The following TRIO variants were observed in gnomAD, a reference collection of about 807,000 sequenced individuals.
TRIO encodes the protein triple functional domain protein.
A neutral mutation model predicts 351.9 loss-of-function variants in TRIO; 58 were observed. The ratio of observed to expected loss-of-function variants is 0.16; its 90% CI spans 0.13 to 0.21. The LOEUF (loss-of-function observed/expected upper bound fraction) is 0.21. Among genes scored for constraint, TRIO ranks in the 10% least tolerant of loss-of-function variants. TRIO has a pLI of 1.00. For synonymous variants in TRIO, 1,758 were observed against 1,595.7 expected, an observed-to-expected ratio of 1.10 and a Z score of -2.42; for missense variants, 3,201 against 4,027.8, an observed-to-expected ratio of 0.79 and a Z score of 5.56.
chr5:14,179,033 C>A (rs1233701533), intron 1 of TRIO, among the ~76,000 whole-genome samples: 1 of 152,190 alleles, frequency 6.6e-6, no homozygotes, highest in Non-Finnish European at 1.5e-5. Flanking sequence ...TCTTTGTACT[C>A]CCCCCACCCC....
At position 14,270,911 on chromosome 5, in the gene TRIO, C is replaced by G. The variant is rs1438599351; in HGVS notation, c.232+12C>G. 3.1e-6 allele frequency: 5 copies of G among 1,597,072 alleles called. No homozygotes were observed. The highest frequency in any genetic ancestry group is 1.7e-5 in the Admixed American group (1 of 59,950). On this transcript the variant is annotated intron_variant, in intron 2 of 56. Transcript: ENST00000344204. ...TGCATACCTTTCAGGTAAAGTTTAA[C>G]TTTCAACTCTGCTCTATCCAACTGC...
At chr5:14,320,016 G>T (rs1352495591) in intron 9 of TRIO, among the ~76,000 whole-genome samples, 1 of 152,164 alleles carries the variant, frequency 6.6e-6, no homozygotes, top group African/African-American at 2.4e-5. Context: ...GCGGGGAATT[G>T]GGAAGACCTG....
intron 48 of TRIO, chr5:14,488,931 C>G (rs1225685996): frequency 3.9e-6 from 3 of 762,900 alleles, no homozygotes; most frequent in Non-Finnish European, 7.2e-6. Flanking sequence ...CCTCGTTTGG[C>G]CCATCACTCA....
At chr5:14,480,364 G>A (rs572286213) in intron 43 of TRIO, among the ~76,000 whole-genome samples, 8 of 152,058 alleles carry the variant, frequency 5.3e-5, no homozygotes, top group Non-Finnish European at 7.4e-5. Context: ...TATTTACATC[G>A]AGTTCAGAAT....
At chr5:14,184,073 G>A in intron 1 of TRIO, 1 of 656,504 alleles carries the variant, frequency 1.5e-6, no homozygotes, top group Middle Eastern at 2.4e-4. Flanking sequence ...AGAGCTCCTA[G>A]GCCAGATGAG....
chr5:14,382,373 T>C (rs1007378392), intron 21 of TRIO, among the ~76,000 whole-genome samples: 1 of 152,262 alleles, frequency 6.6e-6, no homozygotes, highest in Admixed American at 6.5e-5. Context: ...TCTCTGCTCC[T>C]GGTCCCCAAA....
intron 6 of TRIO, among the ~76,000 whole-genome samples, chr5:14,295,205 C>G (rs1234641927): frequency 6.6e-6 from 1 of 152,130 alleles, no homozygotes; most frequent in African/African-American, 2.4e-5. Context: ...ATACTAAATA[C>G]CAATATGCCA....
chr5:14,218,027 T>C (rs1792334340), intron 1 of TRIO, among the ~76,000 whole-genome samples: 2 of 152,240 alleles, frequency 1.3e-5, no homozygotes, highest in Admixed American at 6.5e-5. Context: ...AAAAGTCTTA[T>C]TAATGATTTT....
chr5:14,444,521 C>A (rs1380682842), intron 34 of TRIO, among the ~76,000 whole-genome samples: 6 of 152,190 alleles, frequency 3.9e-5, no homozygotes, highest in African/African-American at 9.7e-5. Context: ...CCTGCTCACC[C>A]CTACCTGTGT....
At chr5:14,297,365 G>T in intron 7 of TRIO, 102 bp downstream of exon 7, 1 of 1,351,754 alleles carries the variant, frequency 7.4e-7, no homozygotes. Context: ...CACATACTGT[G>T]AGCTCCGCAT....
intron 7 of TRIO, among the ~76,000 whole-genome samples, chr5:14,297,758 C>T (rs570772882): frequency 6.6e-6 from 1 of 152,280 alleles, no homozygotes; most frequent in East Asian, 1.9e-4. Context: ...GGCGAAGGCA[C>T]CTCTAGCTGC....
chr5:14,386,756 T>A (rs990889843), intron 21 of TRIO, among the ~76,000 whole-genome samples: 2 of 152,216 alleles, frequency 1.3e-5, no homozygotes, highest in East Asian at 3.8e-4. Context: ...ATGCTTAACT[T>A]AATGAAAGAT....
chr5:14,162,522 C>A (rs931656773), intron 1 of TRIO, among the ~76,000 whole-genome samples: 1 of 152,164 alleles, frequency 6.6e-6, no homozygotes. Context: ...ATTAGATATG[C>A]CACATACACA....
chr5:14,213,366 AATATATGCACTATAT>A (rs1157243003), intron 1 of TRIO, among the ~76,000 whole-genome samples: 1 of 149,430 alleles, frequency 6.7e-6, no homozygotes, highest in Non-Finnish European at 1.5e-5. Flanking sequence ...AATTATTTAT[AATATATGCACTATAT>A]ATATATATTA....
At chr5:14,196,708 A>G (rs1229254096) in intron 1 of TRIO, among the ~76,000 whole-genome samples, 1 of 152,208 alleles carries the variant, frequency 6.6e-6, no homozygotes, top group African/African-American at 2.4e-5. Flanking sequence ...ACTTGCCCAA[A>G]GTCACAGAGT....
In TRIO at chr5:14,203,769, G is replaced by A. The variant is rs137985827; in HGVS notation, c.157+59887G>A. ...CTGGCAGTCACCTGCCCCTTGCTAGGTGCTGAAGCTGTACAAAGCCTAGTC... is the reference window on the plus strand; with the variant it reads ...CTGGCAGTCACCTGCCCCTTGCTAGATGCTGAAGCTGTACAAAGCCTAGTC... On this transcript the variant is annotated intron_variant, in intron 1 of 56. Coordinates refer to ENST00000344204, the MANE Select transcript of TRIO (RefSeq NM_007118.4). Among the ~76,000 whole-genome samples, 949 of 152,160 alleles carry A rather than the reference G, an allele frequency of 6.2e-3. 14 individuals are homozygous for A. Among genetic ancestry groups the A allele is most frequent in the African/African-American group, 0.022 (916 of 41,498 alleles).
At chr5:14,411,995 T>C (rs944664086) in intron 33 of TRIO, among the ~76,000 whole-genome samples, 10 of 151,014 alleles carry the variant, frequency 6.6e-5, no homozygotes, top group Admixed American at 3.9e-4. Context: ...TTCTTTCTTT[T>C]TTTTTTTTTT....
intron 1 of TRIO, among the ~76,000 whole-genome samples, chr5:14,197,853 G>A (rs935162834): frequency 6.6e-6 from 1 of 152,168 alleles, no homozygotes; most frequent in African/African-American, 2.4e-5. Context: ...TAAGGTACCC[G>A]AATCTCTTAT....
chr5:14,182,694 C>T (rs1581294119), intron 1 of TRIO, among the ~76,000 whole-genome samples: 1 of 152,266 alleles, frequency 6.6e-6, no homozygotes, highest in South Asian at 2.1e-4. Context: ...GCTTTTCTTT[C>T]TAAGACATTA....
Sources: gnomAD v4.1 joint callset for allele counts (sites outside exome capture counted in the v4.1 genomes callset) on GRCh38, gnomAD v4.1.1 for gene constraint, MANE v1.5 for transcripts, NCBI Gene and HGNC (gene_info 2026-07-23, HGNC 2026-07-21) for gene names.